The following ACVR1 variants were observed in gnomAD, a reference collection of about 807,000 sequenced individuals.
ACVR1 encodes the protein activin receptor type-1.
A neutral mutation model predicts 57.1 loss-of-function variants in ACVR1; 38 were observed. The ratio of observed to expected loss-of-function variants is 0.67; its 90% CI spans 0.51 to 0.87. The LOEUF is 0.87. Ranked by LOEUF, ACVR1 falls within the 40% of genes least tolerant of loss-of-function variation. The pLI, the probability that ACVR1 is intolerant of heterozygous loss-of-function variation, is 0.00. For missense variants in ACVR1, 463 were observed against 638.2 expected (o/e 0.73, Z 2.96); for synonymous variants, 212 against 228.1 (o/e 0.93, Z 0.63).
intron 3 of ACVR1, among the ~76,000 whole-genome samples, chr2:157,796,317 C>T (rs1403992040): frequency 6.6e-6 from 1 of 151,806 alleles, no homozygotes; most frequent in East Asian, 1.9e-4. Context: ...TTTGGGAGGC[C>T]GAGGTGGGTG....
chr2:157,850,877 A>G (rs1689273901), intron 1 of ACVR1, among the ~76,000 whole-genome samples: 1 of 152,114 alleles, frequency 6.6e-6, no homozygotes, highest in South Asian at 2.1e-4. Flanking sequence ...GAATTGCTTG[A>G]ACCTGGGAGG....
chr2:157,804,794 TA>T (rs1687458376), intron 2 of ACVR1, among the ~76,000 whole-genome samples: 2 of 152,344 alleles, frequency 1.3e-5, no homozygotes, highest in Admixed American at 6.5e-5. Context: ...CATGATATTC[TA>T]CTAAAAACAG....
intron 2 of ACVR1, among the ~76,000 whole-genome samples, chr2:157,802,498 C>G (rs1454535951): frequency 6.6e-6 from 1 of 152,082 alleles, no homozygotes; most frequent in Non-Finnish European, 1.5e-5. Context: ...ACCATCATTC[C>G]ATAGTTCCTC....
At chr2:157,756,645 A>G (rs1038088244) in intron 9 of ACVR1, among the ~76,000 whole-genome samples, 2 of 151,948 alleles carry the variant, frequency 1.3e-5, no homozygotes, top group Non-Finnish European at 2.9e-5. Flanking sequence ...TAATCAAAAA[A>G]TCAAAAAATA....
intron 1 of ACVR1, among the ~76,000 whole-genome samples, chr2:157,873,837 C>T (rs1690190249): frequency 1.3e-5 from 2 of 152,178 alleles, no homozygotes; most frequent in South Asian, 2.1e-4. Flanking sequence ...GAAAAAAATT[C>T]GTTACAAATC....
At chr2:157,744,846 G>A (rs1249768346) in intron 9 of ACVR1, among the ~76,000 whole-genome samples, 2 of 152,222 alleles carry the variant, frequency 1.3e-5, no homozygotes, top group African/African-American at 2.4e-5. Context: ...AGTTCTGGCC[G>A]CTTGGCCCGG....
intron 2 of ACVR1, among the ~76,000 whole-genome samples, chr2:157,813,130 C>T (rs1687808463): frequency 6.6e-6 from 1 of 151,440 alleles, no homozygotes. Flanking sequence ...CAAACACACA[C>T]ACACAAGTAA....
intron 7 of ACVR1, among the ~76,000 whole-genome samples, chr2:157,767,546 T>G (rs1174227258): frequency 6.6e-6 from 1 of 152,200 alleles, no homozygotes; most frequent in Non-Finnish European, 1.5e-5. Flanking sequence ...AAAAAAAATT[T>G]TTTAAGACGG....
intron 1 of ACVR1, among the ~76,000 whole-genome samples, chr2:157,824,198 T>A (rs1688255973): frequency 6.6e-6 from 1 of 152,198 alleles, no homozygotes; most frequent in Non-Finnish European, 1.5e-5. Flanking sequence ...CCAGGCACAG[T>A]GGCTTATGCC....
chr2:157,860,828 G>A (rs1032965185), intron 1 of ACVR1, among the ~76,000 whole-genome samples: 4 of 151,768 alleles, frequency 2.6e-5, no homozygotes, highest in Admixed American at 6.6e-5. Context: ...CCCTTCCTAC[G>A]CTCAAGTCCA....
At chr2:157,820,638 T>C (rs976019652) in intron 1 of ACVR1, among the ~76,000 whole-genome samples, 6 of 151,990 alleles carry the variant, frequency 3.9e-5, no homozygotes, top group African/African-American at 1.2e-4. Flanking sequence ...AGCCCCATCA[T>C]CTTCACTGCA....
chr2:157,850,589 A>G (rs1237004842), intron 1 of ACVR1, among the ~76,000 whole-genome samples: 1 of 152,192 alleles, frequency 6.6e-6, no homozygotes, highest in Non-Finnish European at 1.5e-5. Context: ...GAACATATAC[A>G]TCTAGACTTG....
chr2:157,807,782 A>G (rs533130919), intron 2 of ACVR1, among the ~76,000 whole-genome samples: 1 of 136,324 alleles, frequency 7.3e-6, no homozygotes, highest in South Asian at 2.3e-4. Flanking sequence ...CATGACTTAC[A>G]GTGTTAGAAG....
chr2:157,744,324 T>C (rs1684882874), intron 9 of ACVR1, among the ~76,000 whole-genome samples: 1 of 152,172 alleles, frequency 6.6e-6, no homozygotes, highest in Non-Finnish European at 1.5e-5. Flanking sequence ...AAAAAGAAAA[T>C]GGCCCATATT....
At chr2:157,851,763 G>T (rs1219225645) in intron 1 of ACVR1, among the ~76,000 whole-genome samples, 1 of 151,936 alleles carries the variant, frequency 6.6e-6, no homozygotes, top group Non-Finnish European at 1.5e-5. Context: ...AAAATGCAGA[G>T]CAACTGCAGG....
At position 157,831,253 on chromosome 2, in the gene ACVR1, A is replaced by G. The variant is rs181408519; in HGVS notation, c.-182-12694T>C. Among the ~76,000 whole-genome samples, 3 of 152,370 alleles carry G rather than the reference A, an allele frequency of 2.0e-5. No individual in the cohort carries two copies. The East Asian group carries it at 5.8e-4, about 29-fold the overall frequency. On this transcript the variant is annotated intron_variant, in intron 1 of 10. Coordinates refer to ENST00000434821, the MANE Select transcript of ACVR1 (RefSeq NM_001111067.4). ...ATGAAAAAGGTAACAGAAAGGAGGC[A>G]ATGGCCAAAGACAAATGTTAAAGAA...
intron 7 of ACVR1, 68 bp downstream of exon 7, chr2:157,770,300 G>T: frequency 1.9e-6 from 3 of 1,576,312 alleles, no homozygotes; most frequent in South Asian, 1.1e-5. Flanking sequence ...CACCAAAACG[G>T]AGAGAGCAAA....
intron 9 of ACVR1, among the ~76,000 whole-genome samples, chr2:157,742,731 C>G (rs928636451): frequency 2.6e-5 from 4 of 152,162 alleles, no homozygotes; most frequent in African/African-American, 9.7e-5. Flanking sequence ...TAGACATGCA[C>G]TTTGAAAAGC....
Position 157,838,278 on chromosome 2 carries a change from CAA to C in ACVR1, c.-182-19721_-182-19720del, listed in dbSNP as rs1384822219. 5 of 152,030 alleles carry C rather than the reference CAA, an allele frequency of 3.3e-5. No individual in the cohort carries two copies. In the East Asian group the frequency reaches 9.6e-4, roughly 29 times the overall value. 9.4% of individuals were successfully genotyped at this position (152,030 alleles called of 1,614,324 possible). On this transcript the variant is annotated intron_variant, in intron 1 of 10. Coordinates refer to ENST00000434821, the MANE Select transcript of ACVR1 (RefSeq NM_001111067.4). Reference sequence around the variant, plus strand: ...AATATCTCTGAAACGCTATTCGCTTCAAAAAGGCAAGGTACTTCCCGCTGCAT... The same window carrying C: ...AATATCTCTGAAACGCTATTCGCTTCAAAGGCAAGGTACTTCCCGCTGCAT...
Sources: gnomAD v4.1 joint callset for allele counts (sites outside exome capture counted in the v4.1 genomes callset) on GRCh38, gnomAD v4.1.1 for gene constraint, MANE v1.5 for transcripts, NCBI Gene and HGNC (gene_info 2026-07-23, HGNC 2026-07-21) for gene names.